Variants in SCD5 observed in about 807,000 individuals in gnomAD.
SCD5 encodes the protein stearoyl-CoA desaturase 5.
A neutral mutation model predicts 30.4 loss-of-function variants in SCD5; 20 were observed. The ratio of observed to expected loss-of-function variants is 0.66; its 90% CI spans 0.46 to 0.96. The LOEUF is 0.96. SCD5 is among the 40% of genes least tolerant of loss of function. SCD5 has a pLI of 0.00. For missense variants in SCD5, 381 were observed against 443.3 expected, an observed-to-expected ratio of 0.86 and a Z score of 1.26; for synonymous variants, 173 against 176.4, an observed-to-expected ratio of 0.98 and a Z score of 0.16.
intron 1 of SCD5, among the ~76,000 whole-genome samples, chr4:82,727,998 C>T (rs1340249114): frequency 6.6e-6 from 1 of 152,214 alleles, no homozygotes; most frequent in Non-Finnish European, 1.5e-5. Flanking sequence ...CATGAGCCAC[C>T]ATGCCCCACC....
At chr4:82,680,258 AG>A (rs1315219626) in intron 3 of SCD5, among the ~76,000 whole-genome samples, 1 of 152,208 alleles carries the variant, frequency 6.6e-6, no homozygotes, top group Non-Finnish European at 1.5e-5. Context: ...AGTGATGGGC[AG>A]GGCAGAGGTT....
At chr4:82,797,789 T>C (rs1224952919) in intron 1 of SCD5, among the ~76,000 whole-genome samples, 1 of 152,016 alleles carries the variant, frequency 6.6e-6, no homozygotes, top group Non-Finnish European at 1.5e-5. Flanking sequence ...ACCAAGACTC[T>C]ATCCTGTGCC....
chr4:82,693,260 C>A (rs1358378668), intron 2 of SCD5, among the ~76,000 whole-genome samples: 1 of 152,148 alleles, frequency 6.6e-6, no homozygotes, highest in Non-Finnish European at 1.5e-5. Flanking sequence ...GCAGTGGGGT[C>A]TGGATGCCTA....
intron 2 of SCD5, among the ~76,000 whole-genome samples, chr4:82,698,420 C>A (rs1235783392): frequency 6.6e-6 from 1 of 152,178 alleles, no homozygotes; most frequent in African/African-American, 2.4e-5. Flanking sequence ...AGAGACCCAG[C>A]CTTGGGGGAT....
At chr4:82,751,841 G>A (rs1578052413) in intron 1 of SCD5, among the ~76,000 whole-genome samples, 1 of 152,168 alleles carries the variant, frequency 6.6e-6, no homozygotes, top group African/African-American at 2.4e-5. Context: ...TGGCCAGGCT[G>A]GTCTTGATCT....
intron 1 of SCD5, among the ~76,000 whole-genome samples, chr4:82,769,036 G>C (rs1484006315): frequency 2.0e-5 from 3 of 151,996 alleles, no homozygotes; most frequent in Non-Finnish European, 4.4e-5. Flanking sequence ...TGTCTAACGG[G>C]GGCTGGAGGT....
chr4:82,683,163 C>A (rs762939392), intron 2 of SCD5, among the ~76,000 whole-genome samples: 1 of 152,122 alleles, frequency 6.6e-6, no homozygotes, highest in Non-Finnish European at 1.5e-5. Flanking sequence ...TTATGTATAT[C>A]AAAAATTATA....
intron 2 of SCD5, among the ~76,000 whole-genome samples, chr4:82,697,869 G>A (rs1719729074): frequency 6.6e-6 from 1 of 152,210 alleles, no homozygotes; most frequent in Non-Finnish European, 1.5e-5. Flanking sequence ...GAATGACAAT[G>A]CTTTAATGAA....
Position 82,629,718 on chromosome 4 carries a change from A to G in SCD5, c.*1609T>C, listed in dbSNP as rs867489731. 2 of 152,196 alleles carry G rather than the reference A, an allele frequency of 1.3e-5. No individual in the cohort carries two copies. Among genetic ancestry groups the G allele is most frequent in the East Asian group, 1.9e-4 (1 of 5,202 alleles). The allele number at this position is 152,196 out of a possible 1,614,324, so 9.4% of individuals were successfully genotyped here. A position where few individuals can be genotyped will look rare whatever the true frequency, so the allele number is the denominator to read the frequency against. On this transcript the variant is annotated 3_prime_UTR_variant, in exon 5 of 5. Coordinates refer to ENST00000319540, the MANE Select transcript of SCD5 (RefSeq NM_001037582.3). ...TCCTACATCTTTTCTGAAAATATCT[A>G]TCTTCAAAGTGCTCCAATACTAACA...
chr4:82,750,189 T>C (rs1721071893), intron 1 of SCD5, among the ~76,000 whole-genome samples: 1 of 152,154 alleles, frequency 6.6e-6, no homozygotes, highest in Non-Finnish European at 1.5e-5. Flanking sequence ...TCAAGTAAGG[T>C]GGCTGAGAGC....
chr4:82,719,322 C>T (rs1720304591), intron 1 of SCD5, among the ~76,000 whole-genome samples: 1 of 151,396 alleles, frequency 6.6e-6, no homozygotes, highest in Non-Finnish European at 1.5e-5. Flanking sequence ...TTATTACCTG[C>T]CTGGCCTCAA....
chr4:82,775,288 G>A (rs1007988364), intron 1 of SCD5, among the ~76,000 whole-genome samples: 9 of 152,194 alleles, frequency 5.9e-5, no homozygotes, highest in Non-Finnish European at 1.3e-4. Context: ...TGTAGGCATG[G>A]ATTCTGAGCA....
intron 4 of SCD5, 86 bp from the exon 5 acceptor site, chr4:82,631,603 C>A: frequency 7.0e-7 from 1 of 1,428,800 alleles, no homozygotes; most frequent in Admixed American, 1.8e-5. Context: ...CAGGGTTTAC[C>A]ATGTGCAGGA....
chr4:82,673,340 T>C (rs985584460), intron 3 of SCD5, among the ~76,000 whole-genome samples: 19 of 152,292 alleles, frequency 1.2e-4, no homozygotes, highest in African/African-American at 4.3e-4. Context: ...AAGGTTAATA[T>C]ACAATAGTCA....
intron 2 of SCD5, among the ~76,000 whole-genome samples, chr4:82,682,741 T>G (rs1446767422): frequency 2.6e-5 from 4 of 152,138 alleles, no homozygotes; most frequent in African/African-American, 9.7e-5. Flanking sequence ...CTTGACCGTC[T>G]GGGCTCAAGT....
At chr4:82,698,834 T>C (rs1719752881) in intron 2 of SCD5, among the ~76,000 whole-genome samples, 1 of 152,240 alleles carries the variant, frequency 6.6e-6, no homozygotes, top group Admixed American at 6.5e-5. Flanking sequence ...GGCCTCTATG[T>C]GATGTTACTC....
At chr4:82,657,530 C>T (rs756975283) in intron 3 of SCD5, among the ~76,000 whole-genome samples, 2 of 152,136 alleles carry the variant, frequency 1.3e-5, no homozygotes, top group Non-Finnish European at 2.9e-5. Flanking sequence ...AGTCAGGCAG[C>T]GTGATGCCTC....
At chr4:82,659,231 CTTT>C (rs1727933805) in intron 3 of SCD5, among the ~76,000 whole-genome samples, 1 of 151,982 alleles carries the variant, frequency 6.6e-6, no homozygotes, top group African/African-American at 2.4e-5. Context: ...CCCTTTTCTT[CTTT>C]ATTAGTCTGG....
chr4:82,723,449 A>G (rs1258187834), intron 1 of SCD5, among the ~76,000 whole-genome samples: 1 of 152,150 alleles, frequency 6.6e-6, no homozygotes, highest in Non-Finnish European at 1.5e-5. Flanking sequence ...ATGAACATGC[A>G]TTTCAATTGA....
Sources: gnomAD v4.1 joint callset for allele counts (sites outside exome capture counted in the v4.1 genomes callset) on GRCh38, gnomAD v4.1.1 for gene constraint, MANE v1.5 for transcripts, NCBI Gene and HGNC (gene_info 2026-07-23, HGNC 2026-07-21) for gene names.